ACSS3: variants seen among roughly 807,000 people sequenced by gnomAD.
The protein encoded by ACSS3 is acyl-CoA synthetase short chain family member 3, also known as acyl-CoA synthetase short-chain family member 3, mitochondrial.
ACSS3 carries 64 observed loss-of-function variants against 84.2 expected under a neutral mutation model. The ratio of observed to expected loss-of-function variants is 0.76; its 90% confidence interval spans 0.62 to 0.94. The LOEUF is 0.94. Among genes scored for constraint, ACSS3 ranks in the 40% least tolerant of loss-of-function variants. The pLI, the probability that ACSS3 is intolerant of heterozygous loss-of-function variation, is 0.00. For missense variants in ACSS3, 815 were observed against 867.6 expected (o/e 0.94, Z 0.76); for synonymous variants, 317 against 310.1 (o/e 1.02, Z -0.23).
At position 81,143,093 on chromosome 12, in the gene ACSS3, T is replaced by G; in HGVS notation, c.781-14T>G. Reference sequence around the variant, plus strand: ...CCTTATTACAGTACATATTCTTATATTTTTGCTGTGTAGGAGGCGGTTCCT... The same window carrying G: ...CCTTATTACAGTACATATTCTTATAGTTTTGCTGTGTAGGAGGCGGTTCCT... On this transcript the variant is annotated splice_polypyrimidine_tract_variant and intron_variant, in intron 4 of 15. Transcript: ENST00000548058. The G allele has an allele frequency of 6.2e-7, 1 of 1,607,442 alleles. No individual in the cohort carries two copies.
At chr12:81,209,050 C>T (rs185295710) in intron 9 of ACSS3, among the ~76,000 whole-genome samples, 10 of 152,162 alleles carry the variant, frequency 6.6e-5, no homozygotes, top group African/African-American at 2.4e-4. Context: ...TTCCTGGAGT[C>T]CTCTATTTTT....
At chr12:81,248,791 A>G (rs1385742336) in intron 13 of ACSS3, among the ~76,000 whole-genome samples, 1 of 152,012 alleles carries the variant, frequency 6.6e-6, no homozygotes, top group Non-Finnish European at 1.5e-5. Flanking sequence ...TACACACTCT[A>G]TGCATGTAAC....
chr12:81,098,380 T>C (rs59530791), intron 1 of ACSS3, among the ~76,000 whole-genome samples: 15,576 of 152,204 alleles, frequency 0.1, 1,029 homozygotes, highest in East Asian at 0.21. Context: ...AGAAGTGTTT[T>C]GGGTCCTTAT....
intron 1 of ACSS3, among the ~76,000 whole-genome samples, chr12:81,107,511 C>T (rs11114770): frequency 0.22 from 8,380 of 37,804 alleles, 1,323 homozygotes; most frequent in South Asian, 0.32. Flanking sequence ...CAAATATATA[C>T]ATATATATAT....
chr12:81,222,501 A>G (rs1565729417), intron 11 of ACSS3, among the ~76,000 whole-genome samples: 1 of 152,120 alleles, frequency 6.6e-6, no homozygotes, highest in Non-Finnish European at 1.5e-5. Flanking sequence ...CAACTTAAAA[A>G]GGATTCACAT....
At chr12:81,219,384 C>G (rs553341589) in intron 10 of ACSS3, among the ~76,000 whole-genome samples, 1 of 152,174 alleles carries the variant, frequency 6.6e-6, no homozygotes, top group African/African-American at 2.4e-5. Flanking sequence ...ATGAATGAGG[C>G]CACATAAATA....
chr12:81,250,633 AT>A (rs1318171364), intron 13 of ACSS3, among the ~76,000 whole-genome samples: 1 of 152,128 alleles, frequency 6.6e-6, no homozygotes, highest in East Asian at 1.9e-4. Context: ...CTCTAGTCAT[AT>A]TGGTTAGGTG....
intron 7 of ACSS3, among the ~76,000 whole-genome samples, chr12:81,152,704 C>G (rs909099928): frequency 6.6e-6 from 1 of 152,072 alleles, no homozygotes; most frequent in Non-Finnish European, 1.5e-5. Flanking sequence ...GAAAACATAC[C>G]TATCAGATCT....
intron 10 of ACSS3, among the ~76,000 whole-genome samples, chr12:81,219,141 T>C (rs1355370459): frequency 1.3e-5 from 2 of 152,142 alleles, no homozygotes; most frequent in Non-Finnish European, 2.9e-5. Context: ...GGTTACAGAA[T>C]GTGCCTGGGG....
At chr12:81,110,182 A>T (rs1421796756) in intron 2 of ACSS3, among the ~76,000 whole-genome samples, 1 of 152,220 alleles carries the variant, frequency 6.6e-6, no homozygotes, top group African/African-American at 2.4e-5. Flanking sequence ...AGTAAAATCT[A>T]GATTGCTGTG....
intron 11 of ACSS3, among the ~76,000 whole-genome samples, chr12:81,224,357 T>C (rs1265300251): frequency 6.6e-6 from 1 of 151,916 alleles, no homozygotes; most frequent in Non-Finnish European, 1.5e-5. Flanking sequence ...AAGGAAGACC[T>C]TCACTTAATG....
chr12:81,108,039 G>A (rs1883224541), intron 1 of ACSS3, among the ~76,000 whole-genome samples: 1 of 151,990 alleles, frequency 6.6e-6, no homozygotes. Flanking sequence ...GAAGGGCCGA[G>A]GAAAGAGACA....
At chr12:81,247,205 A>G (rs1220972151) in intron 13 of ACSS3, among the ~76,000 whole-genome samples, 2 of 152,172 alleles carry the variant, frequency 1.3e-5, no homozygotes, top group Non-Finnish European at 2.9e-5. Flanking sequence ...TGGTTGCATG[A>G]ACTTTTAATT....
intron 7 of ACSS3, among the ~76,000 whole-genome samples, chr12:81,171,714 T>C (rs973869644): frequency 1.3e-5 from 2 of 152,190 alleles, no homozygotes; most frequent in Non-Finnish European, 2.9e-5. Flanking sequence ...AAGTATGATG[T>C]AGTTTTTTTA....
chr12:81,254,436 C>T (rs2136022509), intron 15 of ACSS3, among the ~76,000 whole-genome samples: 1 of 152,218 alleles, frequency 6.6e-6, no homozygotes, highest in East Asian at 1.9e-4. Context: ...TTTAGGAAAT[C>T]TTAGGCTGAT....
At chr12:81,130,000 C>T (rs1047630880) in intron 2 of ACSS3, among the ~76,000 whole-genome samples, 2 of 152,082 alleles carry the variant, frequency 1.3e-5, no homozygotes, top group Non-Finnish European at 2.9e-5. Context: ...GTATATGTGC[C>T]ACATTTTCTT....
At chr12:81,122,892 C>T (rs1363564374) in intron 2 of ACSS3, among the ~76,000 whole-genome samples, 1 of 152,150 alleles carries the variant, frequency 6.6e-6, no homozygotes, top group East Asian at 1.9e-4. Flanking sequence ...AAGTAATCAA[C>T]TTTGAATTGT....
At chr12:81,083,504 T>A (rs1316391146) in intron 1 of ACSS3, among the ~76,000 whole-genome samples, 1 of 152,012 alleles carries the variant, frequency 6.6e-6, no homozygotes, top group South Asian at 2.1e-4. Flanking sequence ...ATTACAGATG[T>A]GCACCACCAC....
At chr12:81,129,819 C>T (rs1053191333) in intron 2 of ACSS3, among the ~76,000 whole-genome samples, 14 of 142,834 alleles carry the variant, frequency 9.8e-5, no homozygotes, top group Non-Finnish European at 2.0e-4. Flanking sequence ...TATTCCCCGC[C>T]CTGTGTCCAA....
Sources: gnomAD v4.1 joint callset for allele counts (sites outside exome capture counted in the v4.1 genomes callset) on GRCh38, gnomAD v4.1.1 for gene constraint, MANE v1.5 for transcripts, NCBI Gene and HGNC (gene_info 2026-07-23, HGNC 2026-07-21) for gene names.